Variants in GRM5 observed in about 807,000 individuals in gnomAD.
The protein encoded by GRM5 is glutamate metabotropic receptor 5, also known as metabotropic glutamate receptor 5.
Under a neutral mutation model 83.1 loss-of-function variants are expected in GRM5, and 19 were observed. The ratio of observed to expected loss-of-function variants is 0.23; its 90% CI spans 0.16 to 0.34. GRM5 has a LOEUF of 0.34. Ranked by LOEUF, GRM5 falls within the 10% of genes least tolerant of loss-of-function variation. The pLI is 1.00. For missense variants in GRM5, 1,160 were observed against 1,588.3 expected (o/e 0.73, Z 4.58); for synonymous variants, 675 against 633.6 (o/e 1.07, Z -0.98).
At chr11:89,003,753 T>C (rs1270739944) in intron 2 of GRM5, among the ~76,000 whole-genome samples, 3 of 152,092 alleles carry the variant, frequency 2.0e-5, no homozygotes, top group Non-Finnish European at 4.4e-5. Context: ...CAGAAGTAAA[T>C]TGAAGCTATA....
chr11:88,915,977 T>C (rs1189871099), intron 2 of GRM5, among the ~76,000 whole-genome samples: 5 of 152,102 alleles, frequency 3.3e-5, no homozygotes, highest in Non-Finnish European at 7.4e-5. Context: ...AGTCAAACAA[T>C]CCTGAAAGGC....
chr11:89,037,778 CAG>C (rs1358807539), intron 2 of GRM5, among the ~76,000 whole-genome samples: 1 of 151,930 alleles, frequency 6.6e-6, no homozygotes, highest in African/African-American at 2.4e-5. Context: ...GACATTGTCA[CAG>C]AATAATAAAT....
At position 88,604,355 on chromosome 11, in the gene GRM5, C is replaced by T. The variant is rs149502550; in HGVS notation, c.1394+363G>A. On this transcript the variant is annotated intron_variant, in intron 5 of 9. Coordinates refer to ENST00000305447, the MANE Select transcript of GRM5 (RefSeq NM_001143831.3). Reference sequence around the variant, plus strand: ...ACCAGAAATCAAATTGTTCCTATTTCAGAATAGTTCTATTATGCAAGAAAA... The same window carrying T: ...ACCAGAAATCAAATTGTTCCTATTTTAGAATAGTTCTATTATGCAAGAAAA... Among the ~76,000 whole-genome samples, 684 of 152,274 alleles carry T rather than the reference C, an allele frequency of 4.5e-3. 2 individuals carry two copies. The highest frequency in any genetic ancestry group is 7.6e-3 in the Non-Finnish European group (519 of 68,028).
intron 2 of GRM5, among the ~76,000 whole-genome samples, chr11:88,906,321 T>C (rs1249766226): frequency 1.3e-5 from 2 of 152,226 alleles, no homozygotes; most frequent in Admixed American, 6.5e-5. Context: ...TTTTCTAGGA[T>C]GTAAGACATA....
intron 2 of GRM5, among the ~76,000 whole-genome samples, chr11:88,956,423 G>T (rs1235320841): frequency 6.6e-6 from 1 of 152,184 alleles, no homozygotes; most frequent in African/African-American, 2.4e-5. Context: ...TAGGCACTCT[G>T]CTAGGCTAGA....
chr11:88,703,804 A>C (rs2135376082), intron 3 of GRM5, among the ~76,000 whole-genome samples: 1 of 152,204 alleles, frequency 6.6e-6, no homozygotes, highest in East Asian at 1.9e-4. Context: ...ACAAGGTCTA[A>C]CTTTTATAAG....
At chr11:88,831,407 G>A (rs1049091689) in intron 3 of GRM5, among the ~76,000 whole-genome samples, 1 of 152,160 alleles carries the variant, frequency 6.6e-6, no homozygotes, top group Non-Finnish European at 1.5e-5. Context: ...GCCACTGAAA[G>A]CAACTCCACC....
chr11:88,905,083 A>G (rs1945380829), intron 2 of GRM5, among the ~76,000 whole-genome samples: 1 of 152,160 alleles, frequency 6.6e-6, no homozygotes, highest in South Asian at 2.1e-4. Context: ...TTCAGTTCAG[A>G]TGTGTCTATA....
At chr11:88,834,519 G>C (rs1447257791) in intron 3 of GRM5, among the ~76,000 whole-genome samples, 1 of 152,184 alleles carries the variant, frequency 6.6e-6, no homozygotes, top group African/African-American at 2.4e-5. Flanking sequence ...CTAATAATAT[G>C]AAGTCAGAGT....
intron 4 of GRM5, among the ~76,000 whole-genome samples, chr11:88,629,281 C>T (rs1938892560): frequency 6.6e-6 from 1 of 152,282 alleles, no homozygotes; most frequent in African/African-American, 2.4e-5. Flanking sequence ...CAGGGCTATG[C>T]TCAGTAATAC....
intron 2 of GRM5, among the ~76,000 whole-genome samples, chr11:88,959,520 T>A (rs1429033499): frequency 6.6e-6 from 1 of 152,108 alleles, no homozygotes; most frequent in African/African-American, 2.4e-5. Context: ...TTTTAAAATG[T>A]CAAATTCTAA....
At chr11:88,590,861 T>C (rs1226100735) in intron 6 of GRM5, 134 bp from the exon 7 acceptor site, 2 of 515,340 alleles carry the variant, frequency 3.9e-6, no homozygotes, top group Admixed American at 6.7e-5. Flanking sequence ...AGATAAGCAG[T>C]ACAATTTTTA....
intron 3 of GRM5, among the ~76,000 whole-genome samples, chr11:88,684,874 G>A (rs1350969905): frequency 2.6e-5 from 4 of 152,122 alleles, no homozygotes; most frequent in Non-Finnish European, 4.4e-5. Context: ...CTGAGGCCTT[G>A]CCAGCCACAT....
chr11:88,777,862 C>T (rs7126941), intron 3 of GRM5, among the ~76,000 whole-genome samples: 97,256 of 151,918 alleles, frequency 0.64, 31,929 homozygotes, highest in Non-Finnish European at 0.73. Flanking sequence ...ATATGAGGTA[C>T]CTGTCGGCCC....
intron 2 of GRM5, among the ~76,000 whole-genome samples, chr11:89,035,069 A>G (rs1225385276): frequency 6.6e-6 from 1 of 151,682 alleles, no homozygotes; most frequent in Non-Finnish European, 1.5e-5. Context: ...CATCCAAATT[A>G]TAAGAAATGA....
chr11:88,811,994 T>C (rs1302439395), intron 3 of GRM5, among the ~76,000 whole-genome samples: 1 of 152,114 alleles, frequency 6.6e-6, no homozygotes, highest in Non-Finnish European at 1.5e-5. Context: ...ATTAAACGAG[T>C]ACACTTTGGG....
chr11:89,042,105 CA>C (rs1941549194), intron 2 of GRM5, among the ~76,000 whole-genome samples: 1 of 152,098 alleles, frequency 6.6e-6, no homozygotes, highest in Non-Finnish European at 1.5e-5. Context: ...AGTGCAATGG[CA>C]TGATCTTGGC....
chr11:89,004,525 C>A (rs1363404997), intron 2 of GRM5, among the ~76,000 whole-genome samples: 7 of 152,056 alleles, frequency 4.6e-5, no homozygotes, highest in Non-Finnish European at 8.8e-5. Context: ...AAAGTTTGGG[C>A]ACATTATATA....
chr11:88,876,109 A>G (rs945629130), intron 2 of GRM5, among the ~76,000 whole-genome samples: 3 of 152,142 alleles, frequency 2.0e-5, no homozygotes, highest in Non-Finnish European at 2.9e-5. Context: ...TTCCAATACA[A>G]GTCTGCTTTG....
Sources: gnomAD v4.1 joint callset for allele counts (sites outside exome capture counted in the v4.1 genomes callset) on GRCh38, gnomAD v4.1.1 for gene constraint, MANE v1.5 for transcripts, NCBI Gene and HGNC (gene_info 2026-07-23, HGNC 2026-07-21) for gene names.